COL24A1: variants seen among roughly 807,000 people sequenced by gnomAD.
The protein encoded by COL24A1 is collagen alpha-1(XXIV) chain.
In COL24A1, 224 loss-of-function variants were observed where a neutral mutation model predicts 253.9. The ratio of observed to expected loss-of-function variants is 0.88; its 90% CI spans 0.79 to 0.99. COL24A1 has a LOEUF of 0.99. Among genes scored for constraint, COL24A1 ranks in the 50% least tolerant of loss-of-function variants. The pLI is 0.00. For missense variants in COL24A1, 2,131 were observed against 2,068.5 expected (o/e 1.03, Z -0.59); for synonymous variants, 685 against 673.7 (o/e 1.02, Z -0.26).
rs1284308646 is a variant in COL24A1 at position 85,729,427 on chromosome 1, T to A, written c.*1119A>T. ...CCTATTTTAAATGGGAAAAGACTTTTTTTTTTCTGGATGTTGCTTTAAAGA... is the reference window on the plus strand; with the variant it reads ...CCTATTTTAAATGGGAAAAGACTTTATTTTTTCTGGATGTTGCTTTAAAGA... On this transcript the variant is annotated 3_prime_UTR_variant, in exon 60 of 60. Transcript: ENST00000370571. 1.3e-5 allele frequency: 2 copies of A among 152,448 alleles called. No individual in the cohort carries two copies. Among genetic ancestry groups the A allele is most frequent in the African/African-American group, 4.8e-5 (2 of 41,458 alleles). 9.4% of individuals were successfully genotyped at this position (152,448 alleles called of 1,614,324 possible).
intron 37 of COL24A1, among the ~76,000 whole-genome samples, chr1:85,865,038 T>C (rs1296733698): frequency 6.6e-6 from 1 of 152,162 alleles, no homozygotes; most frequent in Admixed American, 6.5e-5. Flanking sequence ...TTTTTTTTTC[T>C]GTTTAAAGAA....
In COL24A1 at chr1:86,089,181, C is replaced by T. The variant is rs1398831648; in HGVS notation, c.1700G>A (p.Gly567Asp). The change falls in exon 7 of 60, where the codon GGT (glycine) becomes GAT (aspartate). Residue 567 changes from glycine to aspartate, a missense_variant. Coordinates refer to ENST00000370571, the MANE Select transcript of COL24A1 (RefSeq NM_152890.7). ...SGLMGPPGMQ[G>D]DKGLKGHPGL... Reference sequence around the variant, plus strand: ...AGTAAAATTCCAACTTACCTTATCACCTTGCATACCAGGGGGGCCCATTAA... The same window carrying T: ...AGTAAAATTCCAACTTACCTTATCATCTTGCATACCAGGGGGGCCCATTAA... 4.4e-6 allele frequency: 7 copies of T among 1,579,832 alleles called. No individual in the cohort carries two copies. The highest frequency in any genetic ancestry group is 2.1e-5 in the Admixed American group (1 of 48,634).
In COL24A1 at chr1:86,033,867, C is replaced by T; in HGVS notation, c.2004+3G>A. 2 of 1,603,714 alleles carry T rather than the reference C, an allele frequency of 1.2e-6. No individual in the cohort carries two copies. The highest frequency in any genetic ancestry group is 1.7e-6 in the Non-Finnish European group (2 of 1,175,780). ...CAAGGCTGAACCAACATAATGTACTCACAGGACTGCCATCAAGACCAGCAG... is the reference window on the plus strand; with the variant it reads ...CAAGGCTGAACCAACATAATGTACTTACAGGACTGCCATCAAGACCAGCAG... On this transcript the variant is annotated splice_donor_region_variant and intron_variant, in intron 13 of 59. Coordinates refer to ENST00000370571, the MANE Select transcript of COL24A1 (RefSeq NM_152890.7).
intron 7 of COL24A1, among the ~76,000 whole-genome samples, chr1:86,087,124 A>G (rs984016735): frequency 6.6e-6 from 1 of 152,168 alleles, no homozygotes; most frequent in African/African-American, 2.4e-5. Flanking sequence ...CCTGACTTCT[A>G]TCAGGTCTAT....
At chr1:85,799,479 T>C (rs754789355) in intron 47 of COL24A1, among the ~76,000 whole-genome samples, 189 of 152,188 alleles carry the variant, frequency 1.2e-3, no homozygotes, top group Non-Finnish European at 2.0e-3. Context: ...AATGGTCTTA[T>C]TTCCTCTTAA....
chr1:86,065,437 T>C (rs1230647223), intron 7 of COL24A1, among the ~76,000 whole-genome samples: 2 of 152,204 alleles, frequency 1.3e-5, no homozygotes, highest in African/African-American at 4.8e-5. Flanking sequence ...GTATCTTTTT[T>C]ATGCACACTT....
chr1:85,729,705 C>G lies in COL24A1; in HGVS notation c.*841G>C, dbSNP rs1663292148. 6.6e-6 allele frequency: 1 copy of G among 152,458 alleles called. No individual in the cohort carries two copies. The highest frequency in any genetic ancestry group is 6.6e-5 in the Admixed American group (1 of 15,262). 9.4% of individuals were successfully genotyped at this position (152,458 alleles called of 1,614,324 possible). A position where few individuals can be genotyped will look rare whatever the true frequency, so the allele number is the denominator to read the frequency against. On this transcript the variant is annotated 3_prime_UTR_variant, in exon 60 of 60. Transcript: ENST00000370571. ...CCCAATCTGTACCCCAAACCTACTA[C>G]TAGATGTAGCTGGCCTATAATAATT...
rs781193705 is a variant in COL24A1, at chr1:85,744,662, T to G, written c.4672+4A>C. 6.2e-7 allele frequency: 1 copy of G among 1,601,562 alleles called. No homozygotes were observed. The highest frequency in any genetic ancestry group is 1.7e-4 in the Middle Eastern group (1 of 6,000). On this transcript the variant is annotated splice_donor_region_variant and intron_variant, in intron 57 of 59. Coordinates refer to ENST00000370571, the MANE Select transcript of COL24A1 (RefSeq NM_152890.7). ...ATCAGAGTTTGAGGTAACCAAGAAC[T>G]TACCATCTGATACTTTTTGTTCACA... is the stretch of plus-strand genomic sequence containing the variant.
At chr1:85,939,321 T>C (rs1445870773) in intron 24 of COL24A1, among the ~76,000 whole-genome samples, 1 of 152,178 alleles carries the variant, frequency 6.6e-6, no homozygotes, top group East Asian at 1.9e-4. Context: ...CTATCATACC[T>C]AGCAGTGTGG....
At chr1:85,802,707 T>C (rs909476533) in intron 47 of COL24A1, among the ~76,000 whole-genome samples, 2 of 152,172 alleles carry the variant, frequency 1.3e-5, no homozygotes, top group Non-Finnish European at 2.9e-5. Context: ...AAGTTTTTCC[T>C]ATTCCTTTGT....
chr1:86,045,296 C>T (rs946145098), intron 12 of COL24A1, among the ~76,000 whole-genome samples: 3 of 151,994 alleles, frequency 2.0e-5, no homozygotes, highest in Admixed American at 2.0e-4. Context: ...AGCCTTCAGA[C>T]TGTACCTACT....
chr1:85,762,988 T>A (rs890233158), intron 53 of COL24A1, among the ~76,000 whole-genome samples: 1 of 152,190 alleles, frequency 6.6e-6, no homozygotes, highest in Non-Finnish European at 1.5e-5. Context: ...GCAACTCCAA[T>A]GTAACCACAT....
chr1:85,784,197 T>A (rs779026290), intron 49 of COL24A1, 31 bp from the exon 50 acceptor site: 1 of 1,612,104 alleles, frequency 6.2e-7, no homozygotes, highest in South Asian at 1.1e-5. Context: ...ATAATAATTA[T>A]TGTACAATGG....
chr1:86,102,039 G>C (rs1375147890), intron 5 of COL24A1, among the ~76,000 whole-genome samples: 1 of 151,434 alleles, frequency 6.6e-6, no homozygotes, highest in East Asian at 1.9e-4. Flanking sequence ...CCAAAAAAAG[G>C]CTATTTATTA....
intron 24 of COL24A1, among the ~76,000 whole-genome samples, chr1:85,949,787 A>G (rs1466978317): frequency 1.3e-5 from 2 of 152,152 alleles, no homozygotes; most frequent in African/African-American, 4.8e-5. Context: ...TATAAATTCA[A>G]TGATCTCCTT....
chr1:85,820,000 A>AC (rs1427248668), intron 45 of COL24A1, among the ~76,000 whole-genome samples: 1 of 152,034 alleles, frequency 6.6e-6, no homozygotes, highest in African/African-American at 2.4e-5. Context: ...GGCATGCACC[A>AC]CCACACCCAG....
chr1:85,862,985 A>C (rs1334103400), intron 37 of COL24A1, among the ~76,000 whole-genome samples: 1 of 152,068 alleles, frequency 6.6e-6, no homozygotes, highest in African/African-American at 2.4e-5. Flanking sequence ...GTCCTCTTTT[A>C]TTTCATTAAG....
chr1:85,813,612 G>A (rs1268335081), intron 47 of COL24A1, among the ~76,000 whole-genome samples: 7 of 135,428 alleles, frequency 5.2e-5, no homozygotes, highest in Non-Finnish European at 7.7e-5. Context: ...GTGCAGTGGC[G>A]GGATCTCGGC....
intron 47 of COL24A1, among the ~76,000 whole-genome samples, chr1:85,798,122 A>T (rs1477633436): frequency 6.6e-6 from 1 of 151,260 alleles, no homozygotes; most frequent in African/African-American, 2.4e-5. Flanking sequence ...ACTTGAGCCT[A>T]GGTGTTCAAG....
Sources: allele counts gnomAD v4.1 joint callset (sites outside exome capture counted in the v4.1 genomes callset), GRCh38; gene constraint gnomAD v4.1.1; transcripts MANE v1.5; gene names NCBI Gene and HGNC (gene_info 2026-07-23, HGNC 2026-07-21).